DCC: variants seen among roughly 807,000 people sequenced by gnomAD.
DCC encodes the protein netrin receptor DCC.
DCC carries 58 observed loss-of-function variants against 172.5 expected under a neutral mutation model. The ratio of observed to expected loss-of-function variants is 0.34; its 90% CI spans 0.27 to 0.42. The LOEUF (loss-of-function observed/expected upper bound fraction) is 0.42. DCC is among the 10% of genes least tolerant of loss of function. The pLI is 1.00. For synonymous variants in DCC, 709 were observed against 644.5 expected, an observed-to-expected ratio of 1.10 and a Z score of -1.52; for missense variants, 1,740 against 1,791.0, an observed-to-expected ratio of 0.97 and a Z score of 0.51.
intron 7 of DCC, among the ~76,000 whole-genome samples, chr18:53,069,191 A>G (rs2042618185): frequency 6.6e-6 from 1 of 152,128 alleles, no homozygotes; most frequent in Non-Finnish European, 1.5e-5. Context: ...TAAACAGGAA[A>G]TCTTAGAGGC....
chr18:53,202,605 A>G (rs1480972742), intron 9 of DCC, among the ~76,000 whole-genome samples: 1 of 152,180 alleles, frequency 6.6e-6, no homozygotes, highest in Non-Finnish European at 1.5e-5. Flanking sequence ...AAGCATATTT[A>G]TATGGTCCTA....
intron 1 of DCC, among the ~76,000 whole-genome samples, chr18:52,432,180 C>T (rs1987647040): frequency 6.6e-6 from 1 of 152,076 alleles, no homozygotes; most frequent in South Asian, 2.1e-4. Context: ...TTGACCACTG[C>T]TTATCTCCAC....
At chr18:53,499,208 C>A in intron 26 of DCC, 90 bp from the exon 27 acceptor site, 2 of 1,298,834 alleles carry the variant, frequency 1.5e-6, no homozygotes, top group South Asian at 1.2e-5. Context: ...TATCACATCT[C>A]TCTGAATGGA....
At chr18:52,959,542 G>C (rs974804438) in intron 5 of DCC, among the ~76,000 whole-genome samples, 2,041 of 152,106 alleles carry the variant, frequency 0.013, 61 homozygotes, top group African/African-American at 0.047. Flanking sequence ...AGTGTGACGG[G>C]TTTGCTCCCC....
chr18:52,463,623 C>G (rs946603797), intron 1 of DCC, among the ~76,000 whole-genome samples: 1 of 152,160 alleles, frequency 6.6e-6, no homozygotes, highest in Non-Finnish European at 1.5e-5. Flanking sequence ...GTCATTCAAA[C>G]TCAGAGCCTT....
intron 1 of DCC, among the ~76,000 whole-genome samples, chr18:52,520,696 T>C (rs372491094): frequency 7.2e-5 from 11 of 151,954 alleles, no homozygotes; most frequent in East Asian, 3.9e-4. Flanking sequence ...TGTTATATTA[T>C]GACAAGGTTT....
chr18:53,098,357 G>GGT (rs2043116533), intron 7 of DCC, among the ~76,000 whole-genome samples: 1 of 151,938 alleles, frequency 6.6e-6, no homozygotes, highest in East Asian at 1.9e-4. Context: ...GAAAGTAAAG[G>GGT]GTAAGATCCA....
chr18:52,498,291 G>A (rs1314514298), intron 1 of DCC, among the ~76,000 whole-genome samples: 1 of 152,060 alleles, frequency 6.6e-6, no homozygotes, highest in African/African-American at 2.4e-5. Context: ...TAGGCTGCTT[G>A]GGCTGCCATA....
At chr18:52,368,675 T>C (rs908795593) in intron 1 of DCC, among the ~76,000 whole-genome samples, 124 of 152,286 alleles carry the variant, frequency 8.1e-4, no homozygotes, top group African/African-American at 2.9e-3. Flanking sequence ...ATTAGACTAC[T>C]TGCAAAGTGA....
chr18:52,578,682 G>A (rs945913787), intron 1 of DCC, among the ~76,000 whole-genome samples: 2 of 152,136 alleles, frequency 1.3e-5, no homozygotes, highest in African/African-American at 4.8e-5. Context: ...CACACTAAAA[G>A]AAAATTACTT....
intron 2 of DCC, among the ~76,000 whole-genome samples, chr18:52,879,412 C>CCTTTTTT (rs2039447955): frequency 1.6e-5 from 1 of 62,356 alleles, no homozygotes; most frequent in African/African-American, 6.9e-5. Context: ...TGTTGTTTGG[C>CCTTTTTT]TTTTTTTTTT....
chr18:53,111,376 G>A (rs2043328781), intron 7 of DCC, among the ~76,000 whole-genome samples: 1 of 148,228 alleles, frequency 6.7e-6, no homozygotes, highest in Non-Finnish European at 1.5e-5. Flanking sequence ...TTGTGCACAT[G>A]TACCCTAAAA....
intron 1 of DCC, among the ~76,000 whole-genome samples, chr18:52,574,538 T>G (rs569735613): frequency 1.3e-5 from 2 of 152,262 alleles, no homozygotes; most frequent in East Asian, 3.9e-4. Context: ...TGTAGAAAAC[T>G]CCAGAATTTC....
chr18:53,176,942 A>G (rs1339273866), intron 8 of DCC, among the ~76,000 whole-genome samples: 2 of 151,526 alleles, frequency 1.3e-5, no homozygotes, highest in Non-Finnish European at 3.0e-5. Context: ...ATGTCCAACA[A>G]TGATAGACTG....
At chr18:52,547,384 C>T (rs1291653820) in intron 1 of DCC, among the ~76,000 whole-genome samples, 1 of 152,132 alleles carries the variant, frequency 6.6e-6, no homozygotes, top group Admixed American at 6.6e-5. Flanking sequence ...GCTGGATATG[C>T]ATTAATTTTA....
intron 1 of DCC, among the ~76,000 whole-genome samples, chr18:52,584,478 T>C (rs2033625428): frequency 6.6e-6 from 1 of 152,132 alleles, no homozygotes. Context: ...CAACTGGCTG[T>C]TAGTTTGCAG....
At chr18:53,206,947 T>TA (rs1348421997) in intron 10 of DCC, among the ~76,000 whole-genome samples, 1 of 152,134 alleles carries the variant, frequency 6.6e-6, no homozygotes, top group Non-Finnish European at 1.5e-5. Flanking sequence ...AGATAAGCAT[T>TA]ACAAGAGCTC....
intron 1 of DCC, among the ~76,000 whole-genome samples, chr18:52,739,822 T>C (rs1161495268): frequency 6.6e-6 from 1 of 152,184 alleles, no homozygotes; most frequent in Non-Finnish European, 1.5e-5. Flanking sequence ...ACCTTCTTTT[T>C]TCATATACAT....
chr18:52,443,915 C>A (rs1014660973), intron 1 of DCC, among the ~76,000 whole-genome samples: 2 of 152,070 alleles, frequency 1.3e-5, no homozygotes, highest in African/African-American at 4.8e-5. Flanking sequence ...CTCAGGTTAT[C>A]ATTGATGAGG....
Sources: allele counts gnomAD v4.1 joint callset (sites outside exome capture counted in the v4.1 genomes callset), GRCh38; gene constraint gnomAD v4.1.1; transcripts MANE v1.5; gene names NCBI Gene and HGNC (gene_info 2026-07-23, HGNC 2026-07-21).